Variants in WDFY4 observed in about 807,000 individuals in gnomAD.
The protein encoded by WDFY4 is WD repeat- and FYVE domain-containing protein 4.
A neutral mutation model predicts 351.9 loss-of-function variants in WDFY4; 169 were observed. That is an observed-to-expected ratio of 0.48 (90% CI 0.42 to 0.55). The LOEUF (loss-of-function observed/expected upper bound fraction) is 0.55. Among genes scored for constraint, WDFY4 ranks in the 20% least tolerant of loss-of-function variants. The probability of loss-of-function intolerance (pLI) is 0.00; values close to 1 mark genes in which losing one functional copy is unlikely to be tolerated. For missense variants in WDFY4, 3,803 were observed against 3,935.6 expected (o/e 0.97, Z 0.90); for synonymous variants, 1,622 against 1,574.6 (o/e 1.03, Z -0.71).
intron 48 of WDFY4, among the ~76,000 whole-genome samples, chr10:48,942,446 T>C (rs1840828842): frequency 1.3e-5 from 2 of 152,098 alleles, no homozygotes; most frequent in Non-Finnish European, 2.9e-5. Flanking sequence ...TCCGAGTGGG[T>C]ACACACACCC....
intron 7 of WDFY4, among the ~76,000 whole-genome samples, chr10:48,728,456 A>T (rs1316589549): frequency 6.6e-6 from 1 of 152,206 alleles, no homozygotes; most frequent in Non-Finnish European, 1.5e-5. Context: ...GGGCAAGGCC[A>T]CATACTTTCC....
At chr10:48,772,889 T>A (rs1401520267) in intron 13 of WDFY4, among the ~76,000 whole-genome samples, 1 of 151,302 alleles carries the variant, frequency 6.6e-6, no homozygotes, top group East Asian at 1.9e-4. Context: ...TCATTTTTTA[T>A]GGCTGCATAG....
chr10:48,812,333 G>A (rs1476434499), intron 30 of WDFY4, among the ~76,000 whole-genome samples: 2 of 151,920 alleles, frequency 1.3e-5, no homozygotes, highest in African/African-American at 2.4e-5. Context: ...GGGATTACAG[G>A]TATCCACCAC....
chr10:48,847,372 C>T (rs1396049921), intron 39 of WDFY4, among the ~76,000 whole-genome samples: 1 of 152,198 alleles, frequency 6.6e-6, no homozygotes, highest in Non-Finnish European at 1.5e-5. Context: ...AGGGCTTCAA[C>T]ATATGAATTG....
intron 4 of WDFY4, among the ~76,000 whole-genome samples, chr10:48,722,311 A>G (rs1417529540): frequency 6.6e-6 from 1 of 151,830 alleles, no homozygotes; most frequent in Non-Finnish European, 1.5e-5. Flanking sequence ...TGGGGGAAGG[A>G]CTCTCTGCAG....
At chr10:48,913,837 G>A (rs746933955) in intron 47 of WDFY4, 25 of 1,613,978 alleles carry the variant, frequency 1.5e-5, no homozygotes, top group Middle Eastern at 1.6e-4. Flanking sequence ...CTGGTCAGCC[G>A]GTTGTTGCTG....
intron 34 of WDFY4, 109 bp from the exon 35 acceptor site, chr10:48,822,271 G>T (rs955591240): frequency 1.7e-6 from 2 of 1,206,616 alleles, no homozygotes; most frequent in Middle Eastern, 5.9e-4. Context: ...GGAACCATGG[G>T]GTACACAGAG....
intron 40 of WDFY4, among the ~76,000 whole-genome samples, chr10:48,872,391 C>T (rs1380678934): frequency 2.0e-5 from 3 of 152,136 alleles, no homozygotes; most frequent in African/African-American, 7.2e-5. Flanking sequence ...AGGCACTTCT[C>T]CTTTGCAGAC....
chr10:48,702,661 T>A (rs1274702753), intron 1 of WDFY4, among the ~76,000 whole-genome samples: 1 of 152,232 alleles, frequency 6.6e-6, no homozygotes, highest in Non-Finnish European at 1.5e-5. Flanking sequence ...TTTATGTTTT[T>A]TCCAGGTTTT....
intron 39 of WDFY4, among the ~76,000 whole-genome samples, chr10:48,835,107 A>G (rs1036954173): frequency 3.9e-5 from 6 of 152,164 alleles, no homozygotes; most frequent in African/African-American, 1.4e-4. Flanking sequence ...CTTACTCTGT[A>G]CCCTGCTCTC....
At chr10:48,870,371 A>G (rs1489674761) in intron 40 of WDFY4, among the ~76,000 whole-genome samples, 2 of 152,072 alleles carry the variant, frequency 1.3e-5, no homozygotes, top group African/African-American at 2.4e-5. Flanking sequence ...CCCCAACTCA[A>G]AAAAAAGTAG....
intron 12 of WDFY4, chr10:48,745,574 C>T: frequency 2.1e-6 from 1 of 479,802 alleles, no homozygotes; most frequent in Non-Finnish European, 4.0e-6. Context: ...GTGTATTTGT[C>T]AGTTTTCTTC....
chr10:48,866,836 C>T (rs893166601), intron 39 of WDFY4, among the ~76,000 whole-genome samples: 12 of 152,178 alleles, frequency 7.9e-5, no homozygotes, highest in African/African-American at 2.7e-4. Flanking sequence ...CCAACAAATT[C>T]TGTAACCACT....
rs1310640077 is a variant in WDFY4, at chr10:48,948,340, G to T, written c.7977+1371G>T. Among the ~76,000 whole-genome samples, 5 of 152,224 alleles carry T rather than the reference G, an allele frequency of 3.3e-5. 1 individual carries two copies. The East Asian group carries it at 9.6e-4, about 29-fold the overall frequency. On this transcript the variant is annotated intron_variant, in intron 51 of 61. Coordinates refer to ENST00000325239, the MANE Select transcript of WDFY4 (RefSeq NM_001394531.1). Reference sequence around the variant, plus strand: ...AAATGGTCCCAGAGCTGCACCCCATGCCAGGAATCCCATCCAGATGTTGCT... The same window carrying T: ...AAATGGTCCCAGAGCTGCACCCCATTCCAGGAATCCCATCCAGATGTTGCT...
chr10:48,957,692 A>G (rs1402023313), intron 52 of WDFY4, among the ~76,000 whole-genome samples: 2 of 152,216 alleles, frequency 1.3e-5, no homozygotes, highest in South Asian at 2.1e-4. Flanking sequence ...CTCCAAGGGC[A>G]GGACCCAGAG....
chr10:48,784,028 CTTTT>C (rs1225560619), intron 19 of WDFY4, among the ~76,000 whole-genome samples: 3 of 152,106 alleles, frequency 2.0e-5, no homozygotes, highest in Non-Finnish European at 4.4e-5. Context: ...ACAGTTCATT[CTTTT>C]TTATTTCTGA....
At chr10:48,815,386 T>C (rs1346583114) in intron 31 of WDFY4, among the ~76,000 whole-genome samples, 1 of 152,256 alleles carries the variant, frequency 6.6e-6, no homozygotes, top group African/African-American at 2.4e-5. Context: ...ATTATATCTT[T>C]TGCCAGTTTT....
intron 1 of WDFY4, among the ~76,000 whole-genome samples, chr10:48,685,322 G>A (rs780720557): frequency 6.6e-6 from 1 of 152,214 alleles, no homozygotes; most frequent in Admixed American, 6.5e-5. Context: ...GTCCTTTCTC[G>A]GGGTCCTGCT....
intron 13 of WDFY4, among the ~76,000 whole-genome samples, chr10:48,768,069 G>C (rs147226005): frequency 6.6e-6 from 1 of 152,162 alleles, no homozygotes; most frequent in Non-Finnish European, 1.5e-5. Flanking sequence ...ATTTGGATTA[G>C]CCTGGGCCTG....
Sources: gnomAD v4.1 joint callset for allele counts (sites outside exome capture counted in the v4.1 genomes callset) on GRCh38, gnomAD v4.1.1 for gene constraint, MANE v1.5 for transcripts, NCBI Gene and HGNC (gene_info 2026-07-23, HGNC 2026-07-21) for gene names.